Variants in TBC1D22A observed in about 807,000 individuals in gnomAD.
TBC1D22A encodes putative GTPase activator.
TBC1D22A carries 38 observed loss-of-function variants against 60.2 expected under a neutral mutation model. The ratio of observed to expected loss-of-function variants is 0.63; its 90% CI spans 0.49 to 0.83. The LOEUF is 0.83. TBC1D22A is among the 40% of genes least tolerant of loss of function. TBC1D22A has a pLI of 0.00. For missense variants in TBC1D22A, 628 were observed against 701.0 expected (o/e 0.90, Z 1.18); for synonymous variants, 302 against 281.7 (o/e 1.07, Z -0.72).
chr22:46,864,720 A>G (rs114919395), intron 4 of TBC1D22A, among the ~76,000 whole-genome samples: 2,183 of 152,228 alleles, frequency 0.014, 51 homozygotes, highest in African/African-American at 0.05. Context: ...GTATGTTTCT[A>G]GGTGTACCTG....
chr22:46,942,640 C>T (rs967925440), intron 8 of TBC1D22A, among the ~76,000 whole-genome samples: 4 of 152,144 alleles, frequency 2.6e-5, no homozygotes, highest in African/African-American at 7.2e-5. Context: ...GGCTGATGTG[C>T]GCTCGGCCAC....
At chr22:46,989,788 A>C (rs988184136) in intron 9 of TBC1D22A, among the ~76,000 whole-genome samples, 1 of 108,692 alleles carries the variant, frequency 9.2e-6, no homozygotes, top group Non-Finnish European at 1.9e-5. Context: ...CACACACACA[A>C]TAAATAAATA....
chr22:46,999,963 C>T (rs145295582), intron 10 of TBC1D22A, among the ~76,000 whole-genome samples: 2,761 of 152,126 alleles, frequency 0.018, 67 homozygotes, highest in African/African-American at 0.054. Flanking sequence ...AGGCGGAGCT[C>T]GCAGTGAGCC....
intron 4 of TBC1D22A, among the ~76,000 whole-genome samples, chr22:46,838,209 G>A (rs1322174274): frequency 6.6e-6 from 1 of 152,136 alleles, no homozygotes; most frequent in Non-Finnish European, 1.5e-5. Context: ...AACAACAGAC[G>A]AGATTAAAAA....
At chr22:47,072,073 C>T (rs986980223) in intron 11 of TBC1D22A, among the ~76,000 whole-genome samples, 4 of 145,132 alleles carry the variant, frequency 2.8e-5, no homozygotes, top group South Asian at 2.2e-4. Flanking sequence ...TACTCAGATG[C>T]GGTTTTCTCT....
chr22:47,130,231 G>A (rs1048514974), intron 12 of TBC1D22A, among the ~76,000 whole-genome samples: 9 of 152,202 alleles, frequency 5.9e-5, no homozygotes, highest in African/African-American at 2.2e-4. Flanking sequence ...GAGCGGGCGT[G>A]TCTGGAGGAG....
At chr22:46,895,179 A>G (rs1270998484) in intron 7 of TBC1D22A, among the ~76,000 whole-genome samples, 1 of 152,062 alleles carries the variant, frequency 6.6e-6, no homozygotes, top group East Asian at 1.9e-4. Flanking sequence ...GGCCTGACCC[A>G]GAGCACCAAG....
chr22:46,842,271 C>A (rs866189617), intron 4 of TBC1D22A, among the ~76,000 whole-genome samples: 1 of 152,186 alleles, frequency 6.6e-6, no homozygotes, highest in Admixed American at 6.5e-5. Flanking sequence ...GGATCTCATT[C>A]GGCCAAAAGC....
intron 12 of TBC1D22A, among the ~76,000 whole-genome samples, chr22:47,114,488 T>G (rs1457563642): frequency 2.6e-5 from 4 of 152,072 alleles, no homozygotes; most frequent in Non-Finnish European, 4.4e-5. Flanking sequence ...CCACAATGTG[T>G]TGTGGGCACT....
chr22:47,160,700 C>T (rs910542), intron 12 of TBC1D22A, among the ~76,000 whole-genome samples: 99,479 of 152,158 alleles, frequency 0.65, 33,033 homozygotes, highest in African/African-American at 0.75. Flanking sequence ...TGCACCTTGA[C>T]CTGTTCTCTT....
In TBC1D22A at chr22:46,868,282, A is replaced by G. The variant is rs545310531; in HGVS notation, c.638-10371A>G. Among the ~76,000 whole-genome samples the G allele has an allele frequency of 5.3e-5, 8 of 152,296 alleles. No homozygotes were observed. The South Asian group carries it at 1.7e-3, about 32-fold the overall frequency. On this transcript the variant is annotated intron_variant, in intron 4 of 12. Coordinates refer to ENST00000337137, the MANE Select transcript of TBC1D22A (RefSeq NM_014346.5). ...GTCCTCACGAGTGGCTGAGATAGTG[A>G]CACCTTGGCTTTTGGGTGGTTCAGT... is the stretch of plus-strand genomic sequence containing the variant.
intron 8 of TBC1D22A, among the ~76,000 whole-genome samples, chr22:46,923,707 T>C (rs779813363): frequency 6.6e-6 from 1 of 152,276 alleles, no homozygotes; most frequent in African/African-American, 2.4e-5. Flanking sequence ...GTATTTCCTC[T>C]AAGTCTTGTT....
At chr22:47,163,956 A>G (rs1483880138) in intron 12 of TBC1D22A, among the ~76,000 whole-genome samples, 3 of 152,224 alleles carry the variant, frequency 2.0e-5, no homozygotes, top group Non-Finnish European at 2.9e-5. Context: ...CCACCTTGGG[A>G]AGATGGCCGT....
chr22:46,857,023 G>T (rs2087604941), intron 4 of TBC1D22A, among the ~76,000 whole-genome samples: 1 of 152,250 alleles, frequency 6.6e-6, no homozygotes, highest in South Asian at 2.1e-4. Context: ...ATGAAGACTG[G>T]AGTGTTCCCT....
At chr22:46,940,762 GCACACA>G (rs2071959270) in intron 8 of TBC1D22A, among the ~76,000 whole-genome samples, 1 of 130,310 alleles carries the variant, frequency 7.7e-6, no homozygotes, top group African/African-American at 2.8e-5. Context: ...TGGGGCACTA[GCACACA>G]TATATATGTA....
At chr22:46,997,965 C>G (rs2075177596) in intron 10 of TBC1D22A, among the ~76,000 whole-genome samples, 1 of 152,066 alleles carries the variant, frequency 6.6e-6, no homozygotes, top group African/African-American at 2.4e-5. Flanking sequence ...AGTGCTCACT[C>G]CTTATTAAGC....
intron 8 of TBC1D22A, among the ~76,000 whole-genome samples, chr22:46,912,757 A>G (rs1285010698): frequency 2.6e-5 from 4 of 152,154 alleles, no homozygotes; most frequent in Admixed American, 6.5e-5. Flanking sequence ...GGCTTTCACC[A>G]TGTTGGCCAG....
chr22:47,159,976 G>C (rs2067907866), intron 12 of TBC1D22A, among the ~76,000 whole-genome samples: 1 of 140,362 alleles, frequency 7.1e-6, no homozygotes, highest in African/African-American at 2.8e-5. Flanking sequence ...AACCATACAG[G>C]TGACTCACAC....
chr22:46,841,900 T>C (rs1330079186), intron 4 of TBC1D22A, among the ~76,000 whole-genome samples: 3 of 152,230 alleles, frequency 2.0e-5, no homozygotes, highest in Non-Finnish European at 4.4e-5. Context: ...TTAACTTGAT[T>C]TTGGTAGTAA....
Sources: allele counts gnomAD v4.1 joint callset (sites outside exome capture counted in the v4.1 genomes callset), GRCh38; gene constraint gnomAD v4.1.1; transcripts MANE v1.5; gene names NCBI Gene and HGNC (gene_info 2026-07-23, HGNC 2026-07-21).